The following GFRA2 variants were observed in gnomAD, a reference collection of about 807,000 sequenced individuals.
The protein encoded by GFRA2 is GDNF family receptor alpha-2.
GFRA2 carries 17 observed loss-of-function variants against 48.3 expected under a neutral mutation model. That is an observed-to-expected ratio of 0.35 (90% CI 0.24 to 0.53). The LOEUF is 0.53. Ranked by LOEUF, GFRA2 falls within the 20% of genes least tolerant of loss-of-function variation. The probability of loss-of-function intolerance (pLI) is 0.93; values close to 1 mark genes in which losing one functional copy is unlikely to be tolerated. For missense variants in GFRA2, 660 were observed against 637.3 expected, an observed-to-expected ratio of 1.04 and a Z score of -0.38; for synonymous variants, 305 against 257.2, an observed-to-expected ratio of 1.19 and a Z score of -1.78.
chr8:21,772,882 C>T (rs375278182), intron 3 of GFRA2, among the ~76,000 whole-genome samples: 1,775 of 152,298 alleles, frequency 0.012, 27 homozygotes, highest in African/African-American at 0.038. Flanking sequence ...AGGATCTCTA[C>T]GCTTCAACAT....
chr8:21,693,437 G>GAATGA (rs1801970967), intron 8 of GFRA2, 37 bp from the exon 9 acceptor site: 2 of 1,570,656 alleles, frequency 1.3e-6, no homozygotes, highest in African/African-American at 1.4e-5. Context: ...GGAACAAAGA[G>GAATGA]AATGAAAACA....
At chr8:21,803,614 AAC>A (rs1275813665) in intron 2 of GFRA2, among the ~76,000 whole-genome samples, 2 of 152,198 alleles carry the variant, frequency 1.3e-5, no homozygotes, top group African/African-American at 4.8e-5. Context: ...GCACAGAGTT[AAC>A]ACAGTAATGA....
At chr8:21,700,475 C>A (rs568348009) in intron 7 of GFRA2, among the ~76,000 whole-genome samples, 30 of 152,256 alleles carry the variant, frequency 2.0e-4, no homozygotes, top group African/African-American at 6.5e-4. Flanking sequence ...ACTGAACAGC[C>A]CCACTCCCAC....
chr8:21,713,009 G>C (rs1387448345), intron 4 of GFRA2, among the ~76,000 whole-genome samples: 1 of 150,956 alleles, frequency 6.6e-6, no homozygotes, highest in Non-Finnish European at 1.5e-5. Context: ...AAGAGGGAGA[G>C]GGAGACGAGG....
In GFRA2 at chr8:21,730,431, C is replaced by T. The variant is rs553987653; in HGVS notation, c.794+20157G>A. ...AAAAAAAACAGGTTACCCATCCTCT[C>T]GCAACAGAAATGAAGGAGCTGCAGC... On this transcript the variant is annotated intron_variant, in intron 4 of 8. Coordinates refer to ENST00000524240, the MANE Select transcript of GFRA2 (RefSeq NM_001495.5). Among the ~76,000 whole-genome samples, 17 of 152,080 alleles carry T rather than the reference C, an allele frequency of 1.1e-4. No individual in the cohort carries two copies. In the South Asian group the frequency reaches 3.5e-3, roughly 32 times the overall value.
At chr8:21,800,909 G>A (rs952237811) in intron 2 of GFRA2, among the ~76,000 whole-genome samples, 23 of 144,456 alleles carry the variant, frequency 1.6e-4, no homozygotes, top group African/African-American at 4.9e-4. Context: ...CTGGGTCACA[G>A]AGTGAGACCT....
intron 4 of GFRA2, among the ~76,000 whole-genome samples, chr8:21,709,166 T>C (rs1353391379): frequency 6.6e-6 from 1 of 152,190 alleles, no homozygotes; most frequent in Admixed American, 6.5e-5. Flanking sequence ...CACCAGGCCT[T>C]AGCTCTAATG....
chr8:21,752,139 T>C (rs980954540), intron 3 of GFRA2, among the ~76,000 whole-genome samples: 2 of 152,130 alleles, frequency 1.3e-5, no homozygotes, highest in Non-Finnish European at 2.9e-5. Context: ...TGCTGTCTTC[T>C]AGACCATTCC....
At chr8:21,794,876 G>A (rs1318582126) in intron 2 of GFRA2, among the ~76,000 whole-genome samples, 1 of 152,224 alleles carries the variant, frequency 6.6e-6, no homozygotes, top group Non-Finnish European at 1.5e-5. Context: ...AGGGCTGCTG[G>A]GGCAGGCTGG....
intron 4 of GFRA2, among the ~76,000 whole-genome samples, chr8:21,737,013 A>C (rs1804501062): frequency 6.6e-6 from 1 of 151,890 alleles, no homozygotes; most frequent in Admixed American, 6.6e-5. Flanking sequence ...TCCGAGTTAC[A>C]CATGCTCAGA....
At position 21,694,458 on chromosome 8, in the gene GFRA2, A is replaced by G. The variant is rs770285112; in HGVS notation, c.1272+6T>C. 6.2e-7 allele frequency: 1 copy of G among 1,611,308 alleles called. No homozygotes were observed. ...TGCACCCATCCCCACTCTGCCCCCAACTCACCTCTGTGAAGCACATGCTTA... is the reference window on the plus strand; with the variant it reads ...TGCACCCATCCCCACTCTGCCCCCAGCTCACCTCTGTGAAGCACATGCTTA... On this transcript the variant is annotated splice_donor_region_variant and intron_variant, in intron 8 of 8. Coordinates refer to ENST00000524240, the MANE Select transcript of GFRA2 (RefSeq NM_001495.5).
chr8:21,763,218 T>C (rs1244929091), intron 3 of GFRA2, among the ~76,000 whole-genome samples: 2 of 152,248 alleles, frequency 1.3e-5, no homozygotes, highest in Non-Finnish European at 2.9e-5. Flanking sequence ...AGACTTAGTT[T>C]GGGTAAATCA....
rs553146575 is a variant in GFRA2, at chr8:21,721,569, A to T, written c.795-15528T>A. On this transcript the variant is annotated intron_variant, in intron 4 of 8. Coordinates refer to ENST00000524240, the MANE Select transcript of GFRA2 (RefSeq NM_001495.5). ...ACCTCTCCATGCCTAAGTGGCTGTGATACCCACACAAAAGAGTGTTTGGGA... is the reference window on the plus strand; with the variant it reads ...ACCTCTCCATGCCTAAGTGGCTGTGTTACCCACACAAAAGAGTGTTTGGGA... 5.9e-5 allele frequency among the ~76,000 whole-genome samples: 9 copies of T among 152,366 alleles called. No homozygotes were observed. The East Asian group carries it at 1.7e-3, about 29-fold the overall frequency.
At chr8:21,716,508 T>C (rs1380016871) in intron 4 of GFRA2, among the ~76,000 whole-genome samples, 1 of 152,082 alleles carries the variant, frequency 6.6e-6, no homozygotes, top group Non-Finnish European at 1.5e-5. Flanking sequence ...AGTAGGCAGA[T>C]GGCCAGAAGT....
At chr8:21,793,059 C>A (rs1807604635), upstream of GFRA2, among the ~76,000 whole-genome samples, 2 of 151,662 alleles carry the variant, frequency 1.3e-5, no homozygotes, top group African/African-American at 4.8e-5. Flanking sequence ...AGAGCGAGAC[C>A]CTGCCTCAAA....
At chr8:21,739,382 A>T (rs974782003) in intron 4 of GFRA2, among the ~76,000 whole-genome samples, 1 of 152,144 alleles carries the variant, frequency 6.6e-6, no homozygotes, top group Non-Finnish European at 1.5e-5. Flanking sequence ...CTAACAAAGC[A>T]ACTCACCCTA....
At chr8:21,806,661 C>T (rs1306210691) in intron 1 of GFRA2, among the ~76,000 whole-genome samples, 2 of 152,164 alleles carry the variant, frequency 1.3e-5, no homozygotes, top group Non-Finnish European at 2.9e-5. Flanking sequence ...GAGATGGGGT[C>T]TTGCCGTGTT....
At chr8:21,756,933 G>T (rs1289951145) in intron 3 of GFRA2, among the ~76,000 whole-genome samples, 1 of 152,184 alleles carries the variant, frequency 6.6e-6, no homozygotes, top group Non-Finnish European at 1.5e-5. Flanking sequence ...TCCCAGGCTG[G>T]CTGAGAGCAG....
chr8:21,728,142 G>T (rs1803976255), intron 4 of GFRA2, among the ~76,000 whole-genome samples: 1 of 152,034 alleles, frequency 6.6e-6, no homozygotes, highest in Non-Finnish European at 1.5e-5. Context: ...GTGCCATAGG[G>T]TGTGCCCGCC....
Sources: allele counts gnomAD v4.1 joint callset (sites outside exome capture counted in the v4.1 genomes callset), GRCh38; gene constraint gnomAD v4.1.1; transcripts MANE v1.5; gene names NCBI Gene and HGNC (gene_info 2026-07-23, HGNC 2026-07-21).